DCAF8L2: variants seen among roughly 807,000 people sequenced by gnomAD.
DCAF8L2 encodes DDB1 and CUL4 associated factor 8 like 2, also known as DDB1- and CUL4-associated factor 8-like protein 2.
For synonymous variants in DCAF8L2, 200 were observed against 190.9 expected (o/e 1.05, Z -0.39); for missense variants, 430 against 490.7 (o/e 0.88, Z 1.17).
the DCAF8L2 span, among the ~76,000 whole-genome samples, chrX:27,528,558 T>C: frequency 9.3e-6 from 1 of 107,038 alleles, no homozygotes; most frequent in Non-Finnish European, 1.9e-5. Flanking sequence ...TTAATGTTTA[T>C]AACTTTAATG....
At chrX:27,495,154 T>C in the DCAF8L2 span, among the ~76,000 whole-genome samples, 1 of 111,974 alleles carries the variant, frequency 8.9e-6, no homozygotes. Flanking sequence ...GTATCATTTG[T>C]GGAAGAGATT....
chrX:27,502,856 A>G, the DCAF8L2 span, among the ~76,000 whole-genome samples: 21 of 111,838 alleles, frequency 1.9e-4, no homozygotes, highest in Non-Finnish European at 2.8e-4. Flanking sequence ...AGGGGAAACA[A>G]TAACTTGATA....
intron 3 of DCAF8L2, among the ~76,000 whole-genome samples, chrX:27,687,718 G>A (rs1930562245): frequency 9.0e-6 from 1 of 111,261 alleles, no homozygotes; most frequent in African/African-American, 3.3e-5. Flanking sequence ...GTTGGTCCTG[G>A]TCGTGCATGT....
In DCAF8L2 at chrX:27,675,047, A is replaced by AT. The variant is rs886094618; in HGVS notation, c.-219-2781dup. ...ATGTGATTCTTTCTTGTTCCAAGTAATTTTTTTTATCATTTAAAGTCAAAC... is the reference window on the plus strand; with the variant it reads ...ATGTGATTCTTTCTTGTTCCAAGTAATTTTTTTTTATCATTTAAAGTCAAAC... On this transcript the variant is annotated intron_variant, in intron 2 of 4. Coordinates refer to ENST00000451261, the MANE Select transcript of DCAF8L2 (RefSeq NM_001353450.2). 1.3e-4 allele frequency among the ~76,000 whole-genome samples: 14 copies of AT among 111,619 alleles called. No individual in the cohort carries two copies. In the East Asian group the frequency reaches 1.7e-3, roughly 14 times the overall value.
intron 4 of DCAF8L2, among the ~76,000 whole-genome samples, chrX:27,721,241 G>C (rs947597667): frequency 4.5e-5 from 5 of 111,041 alleles, no homozygotes; most frequent in Non-Finnish European, 9.5e-5. Context: ...GAATATAATG[G>C]CAGCAAATAC....
intron 4 of DCAF8L2, among the ~76,000 whole-genome samples, chrX:27,728,501 C>T (rs72623785): frequency 0.11 from 11,752 of 110,609 alleles, 602 homozygotes; most frequent in East Asian, 0.35. Context: ...AGCCTTAACC[C>T]TTTCAAGTGA....
At chrX:27,584,201 A>G in the DCAF8L2 span, among the ~76,000 whole-genome samples, 1 of 111,752 alleles carries the variant, frequency 8.9e-6, no homozygotes, top group South Asian at 3.7e-4. Flanking sequence ...GTTATCAGCA[A>G]AAGATACTAT....
At chrX:27,561,487 A>G in the DCAF8L2 span, among the ~76,000 whole-genome samples, 1 of 111,484 alleles carries the variant, frequency 9.0e-6, no homozygotes, top group Non-Finnish European at 1.9e-5. Context: ...GTCTACATTC[A>G]GTGTTTTTTA....
chrX:27,599,815 A>G (rs1401576973), intron 1 of DCAF8L2, among the ~76,000 whole-genome samples: 1 of 112,033 alleles, frequency 8.9e-6, no homozygotes, highest in African/African-American at 3.2e-5. Flanking sequence ...GAAACAATTC[A>G]TTATTATACA....
chrX:27,494,951 G>C, the DCAF8L2 span, among the ~76,000 whole-genome samples: 1 of 111,455 alleles, frequency 9.0e-6, no homozygotes, highest in Admixed American at 9.6e-5. Flanking sequence ...TTTTGCATGA[G>C]TTGTTTTAGT....
chrX:27,519,395 A>C, the DCAF8L2 span: 1 of 1,131,209 alleles, frequency 8.8e-7, no homozygotes, highest in Non-Finnish European at 1.2e-6. Flanking sequence ...ATGAAGAATC[A>C]GGAGCAGCTA....
chrX:27,512,112 T>TAAAAA, the DCAF8L2 span, among the ~76,000 whole-genome samples: 2 of 107,073 alleles, frequency 1.9e-5, no homozygotes, highest in African/African-American at 6.8e-5. Context: ...ACATAAAAAA[T>TAAAAA]AAAAAAAAAT....
intron 3 of DCAF8L2, among the ~76,000 whole-genome samples, chrX:27,697,195 A>G (rs1930957067): frequency 9.0e-6 from 1 of 111,707 alleles, no homozygotes; most frequent in African/African-American, 3.3e-5. Flanking sequence ...AAGGCTTAGA[A>G]AGAACTTTAT....
the DCAF8L2 span, among the ~76,000 whole-genome samples, chrX:27,500,666 T>C: frequency 8.9e-6 from 1 of 111,906 alleles, no homozygotes; most frequent in East Asian, 2.8e-4. Context: ...GAAAAAATTT[T>C]AATGAGTGGC....
At chrX:27,731,753 T>C (rs1209439690) in intron 4 of DCAF8L2, among the ~76,000 whole-genome samples, 2 of 111,621 alleles carry the variant, frequency 1.8e-5, no homozygotes, top group Non-Finnish European at 3.8e-5. Context: ...AACCTTTACA[T>C]AGTGCTCACT....
chrX:27,538,841 A>C, the DCAF8L2 span, among the ~76,000 whole-genome samples: 33 of 112,034 alleles, frequency 2.9e-4, no homozygotes, highest in African/African-American at 1.0e-3. Context: ...TTTGAAAATC[A>C]CTTATTGTCC....
At chrX:27,513,143 A>C in the DCAF8L2 span, among the ~76,000 whole-genome samples, 1 of 111,835 alleles carries the variant, frequency 8.9e-6, no homozygotes, top group Non-Finnish European at 1.9e-5. Context: ...GAAACTACTA[A>C]AAGAAAACAT....
chrX:27,734,806 T>C (rs908290844), intron 4 of DCAF8L2, among the ~76,000 whole-genome samples: 2 of 111,836 alleles, frequency 1.8e-5, no homozygotes, highest in Non-Finnish European at 3.8e-5. Context: ...TTAATATCTC[T>C]AATGAAATTC....
the DCAF8L2 span, among the ~76,000 whole-genome samples, chrX:27,560,125 G>A: frequency 9.1e-6 from 1 of 109,868 alleles, no homozygotes; most frequent in Non-Finnish European, 1.9e-5. Flanking sequence ...AAATTAGCCG[G>A]GCGTGGTGGT....
Sources: allele counts gnomAD v4.1 joint callset (sites outside exome capture counted in the v4.1 genomes callset), GRCh38; gene constraint gnomAD v4.1.1; transcripts MANE v1.5; gene names NCBI Gene and HGNC (gene_info 2026-07-23, HGNC 2026-07-21).